The following KLF12 variants were observed in gnomAD, a reference collection of about 807,000 sequenced individuals.
KLF12 encodes Krueppel-like factor 12.
In KLF12, 9 loss-of-function variants were observed where a neutral mutation model predicts 37.8. The ratio of observed to expected loss-of-function variants is 0.24; its 90% confidence interval spans 0.14 to 0.42. The LOEUF (loss-of-function observed/expected upper bound fraction) is 0.42. KLF12 is among the 10% of genes least tolerant of loss of function. KLF12 has a pLI of 1.00. For synonymous variants in KLF12, 208 were observed against 202.1 expected, an observed-to-expected ratio of 1.03 and a Z score of -0.25; for missense variants, 411 against 516.0, an observed-to-expected ratio of 0.80 and a Z score of 1.97.
At chr13:74,226,402 G>A in the KLF12 span, among the ~76,000 whole-genome samples, 6 of 152,256 alleles carry the variant, frequency 3.9e-5, no homozygotes, top group South Asian at 1.2e-3. Flanking sequence ...GACAGTAAGG[G>A]AATAGGTTAG....
intron 2 of KLF12, among the ~76,000 whole-genome samples, chr13:73,952,691 G>A (rs1890689244): frequency 6.6e-6 from 1 of 152,236 alleles, no homozygotes; most frequent in African/African-American, 2.4e-5. Flanking sequence ...CCTTAAGACA[G>A]CTTGACGTAA....
At chr13:73,837,435 A>G (rs371724526) in intron 4 of KLF12, among the ~76,000 whole-genome samples, 2 of 152,224 alleles carry the variant, frequency 1.3e-5, no homozygotes, top group African/African-American at 2.4e-5. Context: ...CCTCTTGTGC[A>G]TGCCCAGAAG....
At chr13:74,081,908 T>C (rs886897061) in intron 1 of KLF12, among the ~76,000 whole-genome samples, 1 of 152,122 alleles carries the variant, frequency 6.6e-6, no homozygotes, top group African/African-American at 2.4e-5. Flanking sequence ...GGTCTAAAAA[T>C]GAAAAATGTC....
chr13:74,297,063 AAGTCATTCATT>A, the KLF12 span, among the ~76,000 whole-genome samples: 1 of 77,314 alleles, frequency 1.3e-5, no homozygotes, highest in South Asian at 4.4e-4. Context: ...TACAAAGTGA[AAGTCATTCATT>A]CATTCATTCA....
intron 1 of KLF12, among the ~76,000 whole-genome samples, chr13:74,071,236 C>T (rs1051268367): frequency 1.3e-5 from 2 of 152,098 alleles, no homozygotes; most frequent in African/African-American, 4.8e-5. Flanking sequence ...ACCATTTGTC[C>T]ATCTCATCCT....
At chr13:73,747,852 C>T (rs767566833) in intron 6 of KLF12, among the ~76,000 whole-genome samples, 35 of 152,256 alleles carry the variant, frequency 2.3e-4, no homozygotes, top group Non-Finnish European at 5.0e-4. Context: ...TATTCTTTCT[C>T]TTTTCATTTT....
chr13:74,003,107 A>AT (rs1187485734), intron 1 of KLF12, among the ~76,000 whole-genome samples: 2 of 152,236 alleles, frequency 1.3e-5, no homozygotes, highest in African/African-American at 2.4e-5. Context: ...AAAGTAAGTG[A>AT]TTAAAGTTAA....
chr13:73,773,076 G>C (rs775431558), intron 5 of KLF12, among the ~76,000 whole-genome samples: 7 of 152,158 alleles, frequency 4.6e-5, no homozygotes, highest in Non-Finnish European at 7.4e-5. Flanking sequence ...GATTAAAAAA[G>C]AATACAAGTT....
rs760241391 is a variant in KLF12, at chr13:73,846,143, C to T, written c.354G>A (p.Ser118=). 8.7e-6 allele frequency: 14 copies of T among 1,613,882 alleles called. No individual in the cohort carries two copies. The highest frequency in any genetic ancestry group is 3.3e-5 in the Admixed American group (2 of 59,962). The change falls in exon 4 of 8, where the codon TCG becomes TCA. Residue 118 remains serine, a synonymous_variant. Transcript: ENST00000377669. Reference sequence around the variant, plus strand: ...GGGATGAGGCTAGACGACTAGAAGACGATGAAGAGGTTGAAGTTGAAGAAG... The same window carrying T: ...GGGATGAGGCTAGACGACTAGAAGATGATGAAGAGGTTGAAGTTGAAGAAG...
chr13:73,777,909 AT>A (rs1195103423), intron 5 of KLF12, among the ~76,000 whole-genome samples: 1 of 152,056 alleles, frequency 6.6e-6, no homozygotes, highest in African/African-American at 2.4e-5. Context: ...AGGCGGGCAG[AT>A]CACCTGAGAT....
chr13:73,715,688 AC>A (rs1368787064), intron 6 of KLF12, among the ~76,000 whole-genome samples, 163 bp from the exon 7 acceptor site: 2 of 152,162 alleles, frequency 1.3e-5, no homozygotes, highest in Admixed American at 6.5e-5. Context: ...ACTTTTCGAA[AC>A]CTGAAAGGCA....
At chr13:73,725,605 A>G (rs1197690607) in intron 6 of KLF12, among the ~76,000 whole-genome samples, 1 of 151,280 alleles carries the variant, frequency 6.6e-6, no homozygotes, top group Admixed American at 6.6e-5. Flanking sequence ...GAAAAAAAAA[A>G]AGACAAAATA....
intron 1 of KLF12, among the ~76,000 whole-genome samples, chr13:74,090,776 T>C (rs1269328809): frequency 6.6e-6 from 1 of 152,108 alleles, no homozygotes; most frequent in Non-Finnish European, 1.5e-5. Flanking sequence ...TTGTGTATTC[T>C]TCTCATTCTG....
chr13:73,786,229 T>C (rs942775661), intron 5 of KLF12, among the ~76,000 whole-genome samples: 2 of 152,232 alleles, frequency 1.3e-5, no homozygotes, highest in Non-Finnish European at 2.9e-5. Flanking sequence ...GCTGCTCTGC[T>C]GGCATAATGA....
At chr13:74,232,724 T>G in the KLF12 span, among the ~76,000 whole-genome samples, 1 of 152,322 alleles carries the variant, frequency 6.6e-6, no homozygotes, top group East Asian at 1.9e-4. Context: ...AAGTACATTT[T>G]GAATAGCTTT....
chr13:73,700,252 G>A (rs940997409), intron 7 of KLF12, among the ~76,000 whole-genome samples: 7 of 151,680 alleles, frequency 4.6e-5, no homozygotes, highest in Non-Finnish European at 8.8e-5. Context: ...GGGTGACAGA[G>A]CAAGACTCTG....
intron 1 of KLF12, among the ~76,000 whole-genome samples, chr13:74,133,328 C>G (rs145422846): frequency 5.9e-5 from 9 of 151,902 alleles, no homozygotes; most frequent in Non-Finnish European, 1.2e-4. Flanking sequence ...CCCCCTCCCC[C>G]CCAAGTTCAG....
At chr13:74,264,873 G>C in the KLF12 span, among the ~76,000 whole-genome samples, 13,808 of 152,014 alleles carry the variant, frequency 0.091, 724 homozygotes, top group South Asian at 0.17. Flanking sequence ...AATAAATGTA[G>C]TCTTAGGTTA....
intron 4 of KLF12, among the ~76,000 whole-genome samples, chr13:73,835,390 T>TA (rs1884378126): frequency 6.6e-6 from 1 of 152,178 alleles, no homozygotes. Context: ...GGTTCCATAT[T>TA]ACATGACTTC....
Sources: gnomAD v4.1 joint callset for allele counts (sites outside exome capture counted in the v4.1 genomes callset) on GRCh38, gnomAD v4.1.1 for gene constraint, MANE v1.5 for transcripts, NCBI Gene and HGNC (gene_info 2026-07-23, HGNC 2026-07-21) for gene names.